VSIG1: variants seen among roughly 807,000 people sequenced by gnomAD.
The protein encoded by VSIG1 is V-set and immunoglobulin domain containing 1, also known as V-set and immunoglobulin domain-containing protein 1.
Under a neutral mutation model 20.1 loss-of-function variants are expected in VSIG1, and 11 were observed. The observed-to-expected ratio is 0.55, with a 90% CI of 0.34 to 0.91. The LOEUF is 0.91. VSIG1 is among the 40% of genes least tolerant of loss of function. The probability of loss-of-function intolerance (pLI) is 0.02; values close to 1 mark genes in which losing one functional copy is unlikely to be tolerated. For synonymous variants in VSIG1, 126 were observed against 116.7 expected (o/e 1.08, Z -0.52); for missense variants, 283 against 298.8 (o/e 0.95, Z 0.39).
chrX:108,056,604 A>C (rs1025145945), intron 1 of VSIG1, among the ~76,000 whole-genome samples: 1 of 112,832 alleles, frequency 8.9e-6, no homozygotes, highest in Non-Finnish European at 1.9e-5. Context: ...CTGAAGATGT[A>C]CAAATGGCAA....
chrX:108,036,940 A>C, the VSIG1 span, among the ~76,000 whole-genome samples: 1 of 111,760 alleles, frequency 8.9e-6, no homozygotes, highest in Non-Finnish European at 1.9e-5. Flanking sequence ...GGTTTCTCTT[A>C]CTGTTATTAT....
At position 108,045,937 on chromosome X, in the gene VSIG1, C is replaced by T. The variant is rs190402555; in HGVS notation, c.49+758C>T. On this transcript the variant is annotated intron_variant, in intron 1 of 6. Coordinates refer to ENST00000217957, the MANE Select transcript of VSIG1 (RefSeq NM_182607.5). ...TTTTCAAGCCATTAGTAATATTAGG[C>T]AGTGGTTAGAATGAGGTTTACTAGG... is the stretch of plus-strand genomic sequence containing the variant. Among the ~76,000 whole-genome samples, 20 of 111,329 alleles carry T rather than the reference C, an allele frequency of 1.8e-4. 1 individual carries two copies. Among genetic ancestry groups the T allele is most frequent in the Admixed American group, 1.4e-3 (15 of 10,413 alleles).
intron 3 of VSIG1, among the ~76,000 whole-genome samples, chrX:108,070,840 G>C (rs939962264): frequency 8.9e-6 from 1 of 112,076 alleles, no homozygotes; most frequent in Admixed American, 9.5e-5. Flanking sequence ...CTAGTAAACT[G>C]TTTAAGAATT....
the VSIG1 span, among the ~76,000 whole-genome samples, chrX:108,023,264 ATTAAT>A: frequency 8.9e-6 from 1 of 111,880 alleles, no homozygotes; most frequent in African/African-American, 3.3e-5. Context: ...GGTGTATTAC[ATTAAT>A]TTGTTTTCAT....
intron 3 of VSIG1, 98 bp downstream of exon 3, chrX:108,067,232 G>T (rs2031151288): frequency 1.1e-6 from 1 of 874,127 alleles, no homozygotes; most frequent in Non-Finnish European, 1.6e-6. Context: ...GTCTCTGTAG[G>T]TAAATATACT....
upstream of VSIG1, among the ~76,000 whole-genome samples, chrX:108,040,525 A>G (rs2030463064): frequency 8.9e-6 from 1 of 112,175 alleles, no homozygotes; most frequent in Non-Finnish European, 1.9e-5. Context: ...TGTAAACTAC[A>G]TACCCTTTGA....
At chrX:108,033,963 A>C in the VSIG1 span, among the ~76,000 whole-genome samples, 1 of 110,456 alleles carries the variant, frequency 9.1e-6, no homozygotes, top group South Asian at 3.9e-4. Context: ...TGAATCCACT[A>C]AACAAGCAGA....
At chrX:108,033,055 G>T in the VSIG1 span, among the ~76,000 whole-genome samples, 2 of 111,652 alleles carry the variant, frequency 1.8e-5, no homozygotes, top group East Asian at 2.8e-4. Flanking sequence ...CCTTGGGAGG[G>T]TCATGAACTG....
At chrX:108,055,412 C>A (rs1225380524) in intron 1 of VSIG1, among the ~76,000 whole-genome samples, 1 of 111,880 alleles carries the variant, frequency 8.9e-6, no homozygotes, top group Non-Finnish European at 1.9e-5. Flanking sequence ...TTTACACATT[C>A]TCTTCCAAAA....
chrX:108,077,250 G>C lies in VSIG1; in HGVS notation c.1033G>C (p.Asp345His). ...GSEPMAVPDL[D>H]IELELEPETQ... ...AGAGCCTATGGCAGTGCCTGACCTT[G>C]ACATCGAGCTGGAGCTGGAGCCAGA... The change falls in exon 7 of 7, where the codon GAC (aspartate) becomes CAC (histidine). Residue 345 changes from aspartate to histidine, a missense_variant. Coordinates refer to ENST00000217957, the MANE Select transcript of VSIG1 (RefSeq NM_182607.5). The C allele has an allele frequency of 8.3e-7, 1 of 1,211,914 alleles. No homozygotes were observed. The highest frequency in any genetic ancestry group is 1.7e-5 in the African/African-American group (1 of 57,808).
intron 1 of VSIG1, among the ~76,000 whole-genome samples, chrX:108,051,329 A>G (rs2030780877): frequency 9.0e-6 from 1 of 111,073 alleles, no homozygotes; most frequent in African/African-American, 3.3e-5. Flanking sequence ...ACCTACCCCA[A>G]CTGAGAGGCA....
Position 108,077,263 on chromosome X carries a change from A to T in VSIG1, c.1046A>T (p.Glu349Val). 5 of 1,211,801 alleles carry T rather than the reference A, an allele frequency of 4.1e-6. No individual in the cohort carries two copies. The highest frequency in any genetic ancestry group is 5.6e-6 in the Non-Finnish European group (5 of 895,566). Residue 349 changes from glutamate to valine, a missense_variant, in exon 7 of 7, where the codon GAG becomes GTG. By Grantham distance (121) the Glu-to-Val change is moderately radical. Coordinates refer to ENST00000217957, the MANE Select transcript of VSIG1 (RefSeq NM_182607.5). ...MAVPDLDIEL[E>V]LEPETQSELE... ...GTGCCTGACCTTGACATCGAGCTGG[A>T]GCTGGAGCCAGAAACGCAGTCGGAA...
chrX:108,067,565 C>T (rs2031158030), intron 3 of VSIG1, among the ~76,000 whole-genome samples: 1 of 112,174 alleles, frequency 8.9e-6, no homozygotes, highest in Non-Finnish European at 1.9e-5. Context: ...TTAAATTATT[C>T]TTTTAAATAA....
chrX:108,045,048 G>A (rs924803366), upstream of VSIG1: 3 of 866,548 alleles, frequency 3.5e-6, no homozygotes, highest in Non-Finnish European at 4.7e-6. Context: ...GCAAACCTCG[G>A]TGTGATCGAA....
At chrX:108,061,289 A>G (rs1012497558) in intron 2 of VSIG1, 77 of 433,874 alleles carry the variant, frequency 1.8e-4, no homozygotes, top group Non-Finnish European at 2.7e-4. Context: ...ACTATTAGAC[A>G]ATTATGTGAT....
chrX:108,043,123 A>C (rs1049104466), upstream of VSIG1, among the ~76,000 whole-genome samples: 8 of 111,571 alleles, frequency 7.2e-5, no homozygotes, highest in East Asian at 2.3e-3. Context: ...GAGACATGCA[A>C]TAGTTATTTG....
At chrX:108,041,826 G>A (rs2030486373), upstream of VSIG1, among the ~76,000 whole-genome samples, 3 of 106,708 alleles carry the variant, frequency 2.8e-5, no homozygotes, top group South Asian at 1.3e-3. Context: ...GAAGAATACT[G>A]GGGGCAGTAG....
At chrX:108,059,039 CT>C (rs2030969608) in intron 2 of VSIG1, among the ~76,000 whole-genome samples, 1 of 111,873 alleles carries the variant, frequency 8.9e-6, no homozygotes, top group Non-Finnish European at 1.9e-5. Flanking sequence ...ACACATATCC[CT>C]TGATGGAAAA....
At chrX:108,052,591 G>A (rs777069370) in intron 1 of VSIG1, among the ~76,000 whole-genome samples, 9 of 110,860 alleles carry the variant, frequency 8.1e-5, no homozygotes, top group Non-Finnish European at 1.7e-4. Context: ...ACTCCAACCT[G>A]GGTGACAGAG....
Sources: gnomAD v4.1 joint callset for allele counts (sites outside exome capture counted in the v4.1 genomes callset) on GRCh38, gnomAD v4.1.1 for gene constraint, MANE v1.5 for transcripts, NCBI Gene and HGNC (gene_info 2026-07-23, HGNC 2026-07-21) for gene names.